Variants in GABRB1 observed in about 807,000 individuals in gnomAD.
GABRB1 encodes gamma-aminobutyric acid receptor subunit beta-1.
A neutral mutation model predicts 51.6 loss-of-function variants in GABRB1; 17 were observed. The observed-to-expected ratio is 0.33, with a 90% CI of 0.23 to 0.49. The LOEUF is 0.49. Ranked by LOEUF, GABRB1 falls within the 20% of genes least tolerant of loss-of-function variation. The pLI is 0.99. For synonymous variants in GABRB1, 247 were observed against 218.9 expected (o/e 1.13, Z -1.14); for missense variants, 410 against 600.6 (o/e 0.68, Z 3.32).
intron 3 of GABRB1, among the ~76,000 whole-genome samples, chr4:47,068,061 C>T (rs531750717): frequency 6.6e-6 from 1 of 152,190 alleles, no homozygotes; most frequent in Non-Finnish European, 1.5e-5. Flanking sequence ...AAATGTCATT[C>T]CTTTTTATGG....
chr4:47,360,749 T>C (rs1726779033), intron 5 of GABRB1, among the ~76,000 whole-genome samples: 1 of 152,092 alleles, frequency 6.6e-6, no homozygotes, highest in Non-Finnish European at 1.5e-5. Context: ...GATTACCATA[T>C]GTGTTATTAT....
chr4:47,364,853 G>A (rs915946924), intron 5 of GABRB1, among the ~76,000 whole-genome samples: 3 of 151,420 alleles, frequency 2.0e-5, no homozygotes, highest in Non-Finnish European at 2.9e-5. Context: ...AAATGGAATA[G>A]AAAAAAAAGA....
At chr4:47,277,163 G>A (rs1413491413) in intron 4 of GABRB1, among the ~76,000 whole-genome samples, 1 of 152,068 alleles carries the variant, frequency 6.6e-6, no homozygotes, top group Non-Finnish European at 1.5e-5. Flanking sequence ...AAACATCAAT[G>A]GAGTACTATT....
intron 3 of GABRB1, among the ~76,000 whole-genome samples, chr4:47,064,276 C>G (rs533717477): frequency 1.3e-5 from 2 of 152,270 alleles, no homozygotes; most frequent in Admixed American, 1.3e-4. Context: ...TGAGGTCTTT[C>G]TTGCCTATTT....
At chr4:47,093,230 C>T (rs1714196426) in intron 3 of GABRB1, among the ~76,000 whole-genome samples, 1 of 152,156 alleles carries the variant, frequency 6.6e-6, no homozygotes, top group Non-Finnish European at 1.5e-5. Flanking sequence ...GTGTGACTAA[C>T]CACCACTGAA....
intron 4 of GABRB1, among the ~76,000 whole-genome samples, chr4:47,279,846 CT>C (rs796803728): frequency 3.1e-3 from 429 of 136,754 alleles, no homozygotes; most frequent in Middle Eastern, 3.8e-3. Flanking sequence ...ATAGTTTGGT[CT>C]TTTTTTTTTT....
chr4:47,381,336 C>T (rs1727590699), intron 5 of GABRB1, among the ~76,000 whole-genome samples: 1 of 152,110 alleles, frequency 6.6e-6, no homozygotes, highest in Non-Finnish European at 1.5e-5. Flanking sequence ...ACTCAGCTCC[C>T]ACTCAACTCT....
intron 3 of GABRB1, among the ~76,000 whole-genome samples, chr4:47,123,036 G>T (rs911278898): frequency 1.3e-5 from 2 of 151,954 alleles, no homozygotes; most frequent in African/African-American, 4.8e-5. Context: ...ATAGGAAGCT[G>T]CAATTATACA....
chr4:47,011,841 A>G (rs980990000), intron 1 of GABRB1, among the ~76,000 whole-genome samples: 5 of 152,198 alleles, frequency 3.3e-5, no homozygotes, highest in African/African-American at 1.2e-4. Flanking sequence ...ATAGGCTTCT[A>G]TAAAAATTCT....
chr4:47,213,140 C>T (rs1331328927), intron 4 of GABRB1, among the ~76,000 whole-genome samples: 4 of 152,158 alleles, frequency 2.6e-5, no homozygotes, highest in Admixed American at 1.3e-4. Context: ...TCCTTATACT[C>T]TTTCTTCAAA....
At chr4:47,213,451 TCA>T (rs1720441559) in intron 4 of GABRB1, among the ~76,000 whole-genome samples, 1 of 151,718 alleles carries the variant, frequency 6.6e-6, no homozygotes, top group Non-Finnish European at 1.5e-5. Context: ...TCTCTCTCTC[TCA>T]CTCTCTCTCT....
intron 4 of GABRB1, among the ~76,000 whole-genome samples, chr4:47,240,733 A>G (rs1721490914): frequency 6.6e-6 from 1 of 152,218 alleles, no homozygotes; most frequent in African/African-American, 2.4e-5. Flanking sequence ...AAGTGTGAAT[A>G]AAAATGCTAT....
chr4:47,405,105 A>G (rs1335766575), intron 7 of GABRB1, among the ~76,000 whole-genome samples: 2 of 152,220 alleles, frequency 1.3e-5, no homozygotes, highest in Non-Finnish European at 2.9e-5. Flanking sequence ...TGACTCATTC[A>G]TTTCTGTGAA....
intron 3 of GABRB1, among the ~76,000 whole-genome samples, chr4:47,156,595 C>T (rs1248131044): frequency 6.6e-6 from 1 of 151,964 alleles, no homozygotes; most frequent in Non-Finnish European, 1.5e-5. Context: ...CCTTTATTCT[C>T]CAAAAGAGTG....
intron 1 of GABRB1, among the ~76,000 whole-genome samples, chr4:47,020,417 G>A (rs1724897386): frequency 6.6e-6 from 1 of 152,060 alleles, no homozygotes. Flanking sequence ...TTGACATGGA[G>A]TTACCCTGCT....
At chr4:47,300,388 CAT>C (rs983886371) in intron 4 of GABRB1, among the ~76,000 whole-genome samples, 4 of 152,070 alleles carry the variant, frequency 2.6e-5, no homozygotes, top group African/African-American at 9.7e-5. Flanking sequence ...TTCAAGCTGA[CAT>C]ATCACAAAAC....
At chr4:47,014,310 C>G (rs540267755) in intron 1 of GABRB1, among the ~76,000 whole-genome samples, 1 of 152,144 alleles carries the variant, frequency 6.6e-6, no homozygotes, top group Admixed American at 6.6e-5. Flanking sequence ...ACACTTGCAG[C>G]TAGCTATTCT....
intron 3 of GABRB1, chr4:47,032,924 G>T: frequency 2.9e-6 from 1 of 344,638 alleles, no homozygotes; most frequent in Non-Finnish European, 5.8e-6. Context: ...CGCGAGCCCG[G>T]ATGCACCAAG....
At chr4:47,086,043 C>T (rs1471441279) in intron 3 of GABRB1, among the ~76,000 whole-genome samples, 1 of 152,226 alleles carries the variant, frequency 6.6e-6, no homozygotes, top group African/African-American at 2.4e-5. Flanking sequence ...TTATAACAAG[C>T]TGCCATGTCA....
Sources: gnomAD v4.1 joint callset for allele counts (sites outside exome capture counted in the v4.1 genomes callset) on GRCh38, gnomAD v4.1.1 for gene constraint, MANE v1.5 for transcripts, NCBI Gene and HGNC (gene_info 2026-07-23, HGNC 2026-07-21) for gene names.